Variants in OXR1 observed in about 807,000 individuals in gnomAD.
The protein encoded by OXR1 is oxidation resistance protein 1.
OXR1 carries 41 observed loss-of-function variants against 104.6 expected under a neutral mutation model. The observed-to-expected ratio is 0.39, with a 90% CI of 0.31 to 0.51. OXR1 has a LOEUF of 0.51. Among genes scored for constraint, OXR1 ranks in the 20% least tolerant of loss-of-function variants. OXR1 has a pLI of 0.77. For missense variants in OXR1, 955 were observed against 1,031.9 expected, an observed-to-expected ratio of 0.93 and a Z score of 1.02; for synonymous variants, 348 against 348.4, an observed-to-expected ratio of 1.00 and a Z score of 0.01.
intron 1 of OXR1, among the ~76,000 whole-genome samples, chr8:106,339,510 AAAAAAAAAAATAT>A (rs1364146357): frequency 2.3e-4 from 11 of 48,222 alleles, no homozygotes; most frequent in African/African-American, 7.5e-4. Context: ...AAAAAAAAAA[AAAAAAAAAAATAT>A]ATATATATAT....
intron 1 of OXR1, among the ~76,000 whole-genome samples, chr8:106,298,504 G>A (rs1813098827): frequency 6.6e-6 from 1 of 152,102 alleles, no homozygotes; most frequent in African/African-American, 2.4e-5. Flanking sequence ...AATTTGTTGG[G>A]GACCCAGCCA....
At chr8:106,596,046 C>T (rs1819502995) in intron 3 of OXR1, among the ~76,000 whole-genome samples, 1 of 152,134 alleles carries the variant, frequency 6.6e-6, no homozygotes, top group South Asian at 2.1e-4. Context: ...AAACTTTCTA[C>T]TGACGCTTCT....
intron 2 of OXR1, among the ~76,000 whole-genome samples, chr8:106,432,457 C>T (rs985635662): frequency 5.9e-5 from 9 of 152,120 alleles, no homozygotes; most frequent in South Asian, 2.1e-4. Flanking sequence ...GAGAGCACAC[C>T]GAGCACATTT....
At chr8:106,657,047 AAC>A (rs1169324615) in intron 3 of OXR1, among the ~76,000 whole-genome samples, 3 of 152,190 alleles carry the variant, frequency 2.0e-5, no homozygotes, top group Non-Finnish European at 4.4e-5. Flanking sequence ...AAGAACTACA[AAC>A]AGATGTGAAA....
At chr8:106,546,960 C>T (rs768015505) in intron 3 of OXR1, among the ~76,000 whole-genome samples, 6 of 152,264 alleles carry the variant, frequency 3.9e-5, no homozygotes, top group Admixed American at 6.5e-5. Flanking sequence ...GATGCAATCT[C>T]GGCTCACTGC....
chr8:106,551,836 A>G (rs1265265968), intron 3 of OXR1, among the ~76,000 whole-genome samples: 9 of 137,738 alleles, frequency 6.5e-5, no homozygotes, highest in South Asian at 2.3e-4. Context: ...ACATATATAT[A>G]TGTGTACATA....
intron 1 of OXR1, among the ~76,000 whole-genome samples, chr8:106,339,255 G>A (rs1013317972): frequency 1.3e-5 from 2 of 151,540 alleles, no homozygotes; most frequent in Admixed American, 1.3e-4. Context: ...CAGCACTTTG[G>A]GAGGCTGAGG....
At chr8:106,598,847 GA>G (rs542934820) in intron 3 of OXR1, among the ~76,000 whole-genome samples, 1 of 151,384 alleles carries the variant, frequency 6.6e-6, no homozygotes, top group South Asian at 2.1e-4. Flanking sequence ...TTTTGCCTCA[GA>G]AAAAAAATAA....
At chr8:106,493,675 C>G (rs1050486461) in intron 2 of OXR1, among the ~76,000 whole-genome samples, 4 of 152,202 alleles carry the variant, frequency 2.6e-5, no homozygotes. Flanking sequence ...CACTATCTTC[C>G]CAAGCCATGC....
At chr8:106,376,804 C>A (rs1316335234) in intron 2 of OXR1, among the ~76,000 whole-genome samples, 1 of 152,136 alleles carries the variant, frequency 6.6e-6, no homozygotes, top group African/African-American at 2.4e-5. Flanking sequence ...ACCATGTATC[C>A]CGTCAACAGA....
rs1825213745 is a variant in OXR1 at position 106,657,516 on chromosome 8, G to GGTGT, written c.221-21693_221-21690dup. The GGTGT allele has an allele frequency of 1.3e-5, 2 of 152,352 alleles. 1 individual carries two copies. The highest frequency in any genetic ancestry group is 4.2e-4 in the South Asian group (2 of 4,814). The allele number at this position is 152,352 out of a possible 1,614,324, so 9.4% of individuals were successfully genotyped here. On this transcript the variant is annotated intron_variant, in intron 3 of 16. Transcript: ENST00000517566. ...TCTGCTCTGACCTGGCGGGAGGCTG[G>GGTGT]GTGTCCACCCTTTCCCCTGCAGTCC...
At chr8:106,432,027 T>C (rs1400910830) in intron 2 of OXR1, among the ~76,000 whole-genome samples, 1 of 152,216 alleles carries the variant, frequency 6.6e-6, no homozygotes, top group Non-Finnish European at 1.5e-5. Context: ...GACTTGTATA[T>C]TCTTATGCTT....
At chr8:106,320,600 T>C (rs756136236) in intron 1 of OXR1, among the ~76,000 whole-genome samples, 9 of 152,134 alleles carry the variant, frequency 5.9e-5, no homozygotes, top group South Asian at 2.1e-4. Context: ...GGTGATTAAG[T>C]ATAAAATTAC....
At chr8:106,410,013 CACAT>C (rs72185967) in intron 2 of OXR1, among the ~76,000 whole-genome samples, 34,409 of 151,780 alleles carry the variant, frequency 0.23, 5,497 homozygotes, top group African/African-American at 0.43. Flanking sequence ...CACACACACA[CACAT>C]AAGAACTTTT....
At chr8:106,664,281 A>G (rs1170005058) in intron 3 of OXR1, among the ~76,000 whole-genome samples, 1 of 152,188 alleles carries the variant, frequency 6.6e-6, no homozygotes, top group Non-Finnish European at 1.5e-5. Flanking sequence ...TCAGCATGCA[A>G]CAGAATCATC....
rs543966739 is a variant in OXR1 at position 106,271,934 on chromosome 8, G to C, written c.-139+1567G>C. 3.3e-5 allele frequency: 5 copies of C among 152,216 alleles called. No individual in the cohort carries two copies. The East Asian group carries it at 9.7e-4, about 30-fold the overall frequency. 9.4% of individuals were successfully genotyped at this position (152,216 alleles called of 1,614,324 possible). On this transcript the variant is annotated intron_variant, in intron 1 of 16. Coordinates refer to ENST00000517566, the MANE Select transcript of OXR1 (RefSeq NM_001198533.2). ...CCAAGGCGTCACTCCAGGGGTCCGCGGTTCACTTTGCTGCCCCTTGCAGGT... is the reference window on the plus strand; with the variant it reads ...CCAAGGCGTCACTCCAGGGGTCCGCCGTTCACTTTGCTGCCCCTTGCAGGT...
rs536190463 is a variant in OXR1 at position 106,438,170 on chromosome 8, T to A, written c.23+78534T>A. On this transcript the variant is annotated intron_variant, in intron 2 of 16. Transcript: ENST00000517566. ...GTGTCCATGGGTATCAGCATAGAGGTAAATGTAGGAGATCAAGGTAGGGAC... is the reference window on the plus strand; with the variant it reads ...GTGTCCATGGGTATCAGCATAGAGGAAAATGTAGGAGATCAAGGTAGGGAC... Among the ~76,000 whole-genome samples the A allele has an allele frequency of 3.3e-5, 5 of 151,966 alleles. No individual in the cohort carries two copies. The East Asian group carries it at 9.7e-4, about 30-fold the overall frequency.
intron 3 of OXR1, among the ~76,000 whole-genome samples, chr8:106,582,278 A>T (rs527721657): frequency 2.0e-5 from 3 of 150,110 alleles, no homozygotes; most frequent in African/African-American, 7.3e-5. Flanking sequence ...CTTGGAGAGA[A>T]ATAAAAATAA....
chr8:106,351,880 T>G (rs147203995), intron 1 of OXR1, among the ~76,000 whole-genome samples: 1 of 152,214 alleles, frequency 6.6e-6, no homozygotes, highest in African/African-American at 2.4e-5. Context: ...TTACTACATC[T>G]AATATTCCTA....
Sources: gnomAD v4.1 joint callset for allele counts (sites outside exome capture counted in the v4.1 genomes callset) on GRCh38, gnomAD v4.1.1 for gene constraint, MANE v1.5 for transcripts, NCBI Gene and HGNC (gene_info 2026-07-23, HGNC 2026-07-21) for gene names.